Variants in PLEKHG1 observed in about 807,000 individuals in gnomAD.
The protein encoded by PLEKHG1 is pleckstrin homology and RhoGEF domain containing G1, also known as pleckstrin homology domain-containing family G member 1.
Under a neutral mutation model 100.8 loss-of-function variants are expected in PLEKHG1, and 44 were observed. That is an observed-to-expected ratio of 0.44 (90% CI 0.34 to 0.56). The LOEUF is 0.56. PLEKHG1 is among the 20% of genes least tolerant of loss of function. The pLI, the probability that PLEKHG1 is intolerant of heterozygous loss-of-function variation, is 0.01. For missense variants in PLEKHG1, 1,545 were observed against 1,720.9 expected (o/e 0.90, Z 1.81); for synonymous variants, 640 against 662.5 (o/e 0.97, Z 0.52).
intron 3 of PLEKHG1, among the ~76,000 whole-genome samples, chr6:150,699,869 C>T (rs907456345): frequency 2.0e-5 from 3 of 152,184 alleles, no homozygotes; most frequent in African/African-American, 4.8e-5. Context: ...ATTGTCTGAT[C>T]GTCCTTCCCT....
chr6:150,750,800 AAAAG>A (rs1175468486), intron 2 of PLEKHG1, among the ~76,000 whole-genome samples: 1 of 150,374 alleles, frequency 6.7e-6, no homozygotes, highest in East Asian at 2.0e-4. Context: ...AAAAAAAAAA[AAAAG>A]GCGGCACAAA....
chr6:150,650,157 G>C (rs1441615930), intron 2 of PLEKHG1, among the ~76,000 whole-genome samples: 2 of 151,858 alleles, frequency 1.3e-5, no homozygotes, highest in African/African-American at 4.8e-5. Flanking sequence ...CAATGAGCTC[G>C]ACCCCTCAAC....
chr6:150,685,863 A>T (rs1329785821), intron 3 of PLEKHG1, among the ~76,000 whole-genome samples: 1 of 152,214 alleles, frequency 6.6e-6, no homozygotes, highest in African/African-American at 2.4e-5. Context: ...AAAAGAGTGA[A>T]ATCAGGCATG....
chr6:150,702,438 C>T (rs927906157), intron 3 of PLEKHG1, among the ~76,000 whole-genome samples: 1 of 151,804 alleles, frequency 6.6e-6, no homozygotes, highest in African/African-American at 2.4e-5. Flanking sequence ...CCATTGCACT[C>T]CAGCCAGGGT....
At chr6:150,640,132 A>G (rs1778191178) in intron 2 of PLEKHG1, among the ~76,000 whole-genome samples, 1 of 152,270 alleles carries the variant, frequency 6.6e-6, no homozygotes, top group Non-Finnish European at 1.5e-5. Context: ...TGCTAAGCAC[A>G]TGCCCAGGCC....
intron 3 of PLEKHG1, among the ~76,000 whole-genome samples, chr6:150,775,086 A>G (rs1236849848): frequency 6.6e-6 from 1 of 152,124 alleles, no homozygotes; most frequent in African/African-American, 2.4e-5. Flanking sequence ...TACAATCCCT[A>G]TGATAACCTA....
At chr6:150,834,765 C>A (rs1366693829) in intron 15 of PLEKHG1, among the ~76,000 whole-genome samples, 1 of 152,282 alleles carries the variant, frequency 6.6e-6, no homozygotes, top group East Asian at 1.9e-4. Flanking sequence ...CTCCTGTCGA[C>A]GTTCTCCCCA....
chr6:150,724,856 TG>T (rs1196046375), intron 1 of PLEKHG1, among the ~76,000 whole-genome samples: 2 of 152,322 alleles, frequency 1.3e-5, no homozygotes, highest in African/African-American at 2.4e-5. Context: ...CCACCGCGCC[TG>T]GCCTAGGGAA....
intron 1 of PLEKHG1, among the ~76,000 whole-genome samples, chr6:150,618,980 G>A (rs1777183055): frequency 6.6e-6 from 1 of 152,164 alleles, no homozygotes; most frequent in African/African-American, 2.4e-5. Context: ...CTACTCCAGA[G>A]GCTGAGACTG....
intron 1 of PLEKHG1, among the ~76,000 whole-genome samples, chr6:150,617,468 C>G (rs931488): frequency 0.8 from 121,281 of 152,174 alleles, 48,399 homozygotes; most frequent in Admixed American, 0.85. Context: ...GTGGCAGAAT[C>G]CACTTGTACT....
intron 3 of PLEKHG1, among the ~76,000 whole-genome samples, chr6:150,677,792 A>C (rs1414256497): frequency 1.3e-5 from 2 of 151,898 alleles, no homozygotes; most frequent in Non-Finnish European, 2.9e-5. Context: ...AGGGCGGGTC[A>C]CTTGAGCCTG....
chr6:150,602,183 A>G (rs2128548964), intron 1 of PLEKHG1, among the ~76,000 whole-genome samples: 1 of 152,340 alleles, frequency 6.6e-6, no homozygotes, highest in Non-Finnish European at 1.5e-5. Flanking sequence ...AACCAAAAGC[A>G]ATTCCTGAAG....
intron 1 of PLEKHG1, among the ~76,000 whole-genome samples, chr6:150,607,438 G>C (rs565044946): frequency 1.1e-3 from 173 of 152,316 alleles, no homozygotes; most frequent in Non-Finnish European, 2.2e-3. Context: ...GATCCTGTGT[G>C]TTCCCTCTAA....
intron 2 of PLEKHG1, among the ~76,000 whole-genome samples, chr6:150,639,733 G>A (rs533927746): frequency 4.6e-5 from 7 of 152,182 alleles, no homozygotes; most frequent in South Asian, 4.2e-4. Flanking sequence ...CATGTTTATC[G>A]TGTAGCTGTC....
intron 1 of PLEKHG1, among the ~76,000 whole-genome samples, chr6:150,729,908 C>T (rs1481508773): frequency 1.3e-5 from 2 of 152,076 alleles, no homozygotes; most frequent in Non-Finnish European, 2.9e-5. Flanking sequence ...CACTCTTTCC[C>T]ACCTTTGAAA....
At chr6:150,830,962 A>C (rs965634314) in exon 15 of PLEKHG1, 10 of 1,613,932 alleles carry the variant, frequency 6.2e-6, no homozygotes, top group Admixed American at 1.7e-5. Context: ...AGAGCAACAC[A>C]TGCCCTCCTG....
intron 3 of PLEKHG1, among the ~76,000 whole-genome samples, chr6:150,675,826 G>C (rs957855084): frequency 1.3e-5 from 2 of 152,154 alleles, no homozygotes; most frequent in African/African-American, 4.8e-5. Flanking sequence ...AAAGCATGAG[G>C]ATTATTTAAA....
chr6:150,646,551 T>A (rs1778509746), intron 2 of PLEKHG1, among the ~76,000 whole-genome samples: 1 of 152,080 alleles, frequency 6.6e-6, no homozygotes, highest in Non-Finnish European at 1.5e-5. Flanking sequence ...TAGAAGCCAG[T>A]TTGTATTACA....
At chr6:150,614,139 A>C (rs1290812242) in intron 1 of PLEKHG1, among the ~76,000 whole-genome samples, 1 of 152,198 alleles carries the variant, frequency 6.6e-6, no homozygotes, top group Non-Finnish European at 1.5e-5. Context: ...CATAAAAGAA[A>C]ACCTACTTGA....
Sources: allele counts gnomAD v4.1 joint callset (sites outside exome capture counted in the v4.1 genomes callset), GRCh38; gene constraint gnomAD v4.1.1; transcripts MANE v1.5; gene names NCBI Gene and HGNC (gene_info 2026-07-23, HGNC 2026-07-21).